Variants in LRP1B observed in about 807,000 individuals in gnomAD.
LRP1B encodes the protein LDL receptor related protein 1B, also known as low-density lipoprotein receptor-related protein 1B.
LRP1B carries 217 observed loss-of-function variants against 556.6 expected under a neutral mutation model. The ratio of observed to expected loss-of-function variants is 0.39; its 90% CI spans 0.35 to 0.44. LRP1B has a LOEUF of 0.44. LRP1B is among the 20% of genes least tolerant of loss of function. LRP1B has a pLI of 1.00. For missense variants in LRP1B, 5,053 were observed against 5,620.8 expected (o/e 0.90, Z 3.23); for synonymous variants, 2,047 against 1,865.8 (o/e 1.10, Z -2.50).
chr2:141,209,539 G>GT (rs1480930412), intron 6 of LRP1B, among the ~76,000 whole-genome samples: 1 of 152,070 alleles, frequency 6.6e-6, no homozygotes, highest in Non-Finnish European at 1.5e-5. Context: ...TGTTTAATAG[G>GT]TATTTTATGG....
Position 140,923,023 on chromosome 2 carries a change from A to G in LRP1B, c.3261T>C (p.Gly1087=), listed in dbSNP as rs2105258418. 1 of 1,613,280 alleles carries G rather than the reference A, an allele frequency of 6.2e-7. No homozygotes were observed. Among genetic ancestry groups the G allele is most frequent in the South Asian group, 1.1e-5 (1 of 91,052 alleles). The change falls in exon 21 of 91, where the codon GGT becomes GGC. Residue 1087 remains glycine, a synonymous_variant. Transcript: ENST00000389484. ...KDCEDGSDEK[G]CNGTIRLCDH... ...CACACAATCGTATGGTACCATTGCA[A>G]CCTTTTTCATCACTACCATCTTCAC...
At chr2:140,783,203 T>A (rs573822302) in intron 32 of LRP1B, among the ~76,000 whole-genome samples, 2 of 152,090 alleles carry the variant, frequency 1.3e-5, no homozygotes, top group African/African-American at 4.8e-5. Flanking sequence ...TAATAACTTA[T>A]TTTTGAAATA....
intron 2 of LRP1B, among the ~76,000 whole-genome samples, chr2:141,481,231 T>C (rs10173806): frequency 0.51 from 76,852 of 151,978 alleles, 19,646 homozygotes; most frequent in Non-Finnish European, 0.54. Flanking sequence ...AATCAGAACA[T>C]AGGGTCTTTT....
intron 35 of LRP1B, among the ~76,000 whole-genome samples, chr2:140,718,550 G>T (rs79831847): frequency 6.6e-6 from 1 of 151,676 alleles, no homozygotes; most frequent in Non-Finnish European, 1.5e-5. Flanking sequence ...TTGCTTTGCC[G>T]CTTAGAAAAG....
At position 141,637,277 on chromosome 2, in the gene LRP1B, T is replaced by A. The variant is rs1025542058; in HGVS notation, c.206-156744A>T. Among the ~76,000 whole-genome samples, 12 of 152,150 alleles carry A rather than the reference T, an allele frequency of 7.9e-5. No homozygotes were observed. In the East Asian group the frequency reaches 1.2e-3, roughly 15 times the overall value. On this transcript the variant is annotated intron_variant, in intron 2 of 90. Coordinates refer to ENST00000389484, the MANE Select transcript of LRP1B (RefSeq NM_018557.3). ...ATGAAGTTAAAGTAACCGAGGAATA[T>A]CAAGAAATGCACACCTTCTTTGCAT...
intron 2 of LRP1B, among the ~76,000 whole-genome samples, chr2:141,666,010 A>T (rs1690416605): frequency 6.6e-6 from 1 of 152,180 alleles, no homozygotes; most frequent in Non-Finnish European, 1.5e-5. Flanking sequence ...TAAATAGCTA[A>T]TGCATGCTGG....
intron 2 of LRP1B, among the ~76,000 whole-genome samples, chr2:141,761,195 G>C (rs985827840): frequency 1.3e-5 from 2 of 152,090 alleles, no homozygotes; most frequent in African/African-American, 4.8e-5. Context: ...TCTATTATCA[G>C]TTGATCCAAT....
intron 1 of LRP1B, among the ~76,000 whole-genome samples, chr2:142,042,170 G>A (rs1305895832): frequency 6.6e-6 from 1 of 151,190 alleles, no homozygotes; most frequent in Non-Finnish European, 1.5e-5. Context: ...ACTGTCTGCG[G>A]TACATTATAA....
chr2:140,706,133 G>A (rs1387032362), intron 37 of LRP1B, among the ~76,000 whole-genome samples: 3 of 152,076 alleles, frequency 2.0e-5, no homozygotes, highest in Non-Finnish European at 2.9e-5. Context: ...TCTAAATGTG[G>A]TCTTTAGCAA....
At chr2:141,088,110 T>G (rs3845640) in intron 7 of LRP1B, among the ~76,000 whole-genome samples, 70,019 of 151,926 alleles carry the variant, frequency 0.46, 16,944 homozygotes, top group Middle Eastern at 0.57. Flanking sequence ...CATGTTTACA[T>G]AGATGGGAAT....
chr2:141,279,362 C>T (rs1262809404), intron 3 of LRP1B, among the ~76,000 whole-genome samples: 1 of 152,136 alleles, frequency 6.6e-6, no homozygotes, highest in Middle Eastern at 3.4e-3. Flanking sequence ...CCAAGTCTTA[C>T]AGTAAATCCT....
intron 3 of LRP1B, chr2:141,286,666 A>C: frequency 2.3e-6 from 1 of 433,610 alleles, no homozygotes; most frequent in Non-Finnish European, 4.7e-6. Flanking sequence ...CATCTTTAAA[A>C]GATACAAGAA....
intron 20 of LRP1B, among the ~76,000 whole-genome samples, chr2:140,939,903 T>C (rs78982598): frequency 6.6e-6 from 1 of 150,818 alleles, no homozygotes; most frequent in Non-Finnish European, 1.5e-5. Flanking sequence ...TTTTTTTTTT[T>C]GAGACAGTGT....
At chr2:141,197,074 G>A (rs1357479787) in intron 6 of LRP1B, among the ~76,000 whole-genome samples, 1 of 152,136 alleles carries the variant, frequency 6.6e-6, no homozygotes, top group Non-Finnish European at 1.5e-5. Context: ...CAATGATTGT[G>A]AGGCCTTCCC....
intron 2 of LRP1B, among the ~76,000 whole-genome samples, chr2:141,540,309 G>T (rs1250021332): frequency 6.6e-6 from 1 of 150,856 alleles, no homozygotes; most frequent in Admixed American, 6.6e-5. Context: ...AAAAAAAAAA[G>T]CATAAAAACA....
In LRP1B at chr2:140,520,193, C is replaced by T. The variant is rs550508612; in HGVS notation, c.8027-3182G>A. On this transcript the variant is annotated intron_variant, in intron 49 of 90. Transcript: ENST00000389484. ...GCGGCACTATTCACAATAGCAAAGA[C>T]TTGTAACCAACCCAAATGTCCATCA... is the stretch of plus-strand genomic sequence containing the variant. Among the ~76,000 whole-genome samples, 183 of 152,208 alleles carry T rather than the reference C, an allele frequency of 1.2e-3. 3 individuals carry two copies. The highest frequency in any genetic ancestry group is 3.8e-3 in the African/African-American group (159 of 41,532).
intron 1 of LRP1B, among the ~76,000 whole-genome samples, chr2:141,899,552 T>A (rs769858813): frequency 6.6e-6 from 1 of 152,044 alleles, no homozygotes; most frequent in Non-Finnish European, 1.5e-5. Context: ...TTTTGAAACA[T>A]TTCCAATTAT....
intron 31 of LRP1B, among the ~76,000 whole-genome samples, chr2:140,814,997 C>T (rs1691060875): frequency 6.6e-6 from 1 of 152,142 alleles, no homozygotes; most frequent in Non-Finnish European, 1.5e-5. Context: ...AACAATAACT[C>T]TGTAGAACCA....
chr2:141,796,572 T>C (rs944347560), intron 2 of LRP1B, among the ~76,000 whole-genome samples: 1 of 127,874 alleles, frequency 7.8e-6, no homozygotes, highest in African/African-American at 3.3e-5. Context: ...GAGATAGCAT[T>C]TTATTCTTTT....
Sources: gnomAD v4.1 joint callset for allele counts (sites outside exome capture counted in the v4.1 genomes callset) on GRCh38, gnomAD v4.1.1 for gene constraint, MANE v1.5 for transcripts, NCBI Gene and HGNC (gene_info 2026-07-23, HGNC 2026-07-21) for gene names.